Variants in XYLT1 observed in about 807,000 individuals in gnomAD.
The protein encoded by XYLT1 is beta-D-xylosyltransferase 1.
A neutral mutation model predicts 91.3 loss-of-function variants in XYLT1; 36 were observed. The ratio of observed to expected loss-of-function variants is 0.39; its 90% CI spans 0.30 to 0.52. XYLT1 has a LOEUF of 0.52. Ranked by LOEUF, XYLT1 falls within the 20% of genes least tolerant of loss-of-function variation. XYLT1 has a pLI of 0.68. For synonymous variants in XYLT1, 588 were observed against 532.0 expected, an observed-to-expected ratio of 1.11 and a Z score of -1.45; for missense variants, 1,242 against 1,284.5, an observed-to-expected ratio of 0.97 and a Z score of 0.51.
chr16:17,463,655 A>C (rs1452106916), intron 1 of XYLT1, among the ~76,000 whole-genome samples: 1 of 152,258 alleles, frequency 6.6e-6, no homozygotes, highest in Non-Finnish European at 1.5e-5. Flanking sequence ...TATGGAGAAG[A>C]GTATGAAGGT....
At chr16:17,189,686 G>A (rs114963932) in intron 5 of XYLT1, among the ~76,000 whole-genome samples, 144 of 152,320 alleles carry the variant, frequency 9.5e-4, no homozygotes, top group African/African-American at 3.3e-3. Context: ...GAACCTCAAC[G>A]ATATTAAGCT....
rs1440807176 is a variant in XYLT1, at chr16:17,117,817, C to T, written c.2386G>A (p.Asp796Asn). The stretch of plus-strand genomic sequence containing the variant: ...TCGGCAGTGGACTCAATGAGGATGT[C>T]GTAGGTGGCTGCGATGACATTGACG... ...DPVNVIAATY[D>N]ILIESTAEFT... Residue 796 changes from aspartate (D) to asparagine (N), a missense_variant, in exon 11 of 12, where the codon GAC becomes AAC. By Grantham distance (23) the Asp-to-Asn change is conservative. Transcript: ENST00000261381. 8.1e-6 allele frequency: 13 copies of T among 1,613,992 alleles called. No individual in the cohort carries two copies. The highest frequency in any genetic ancestry group is 4.0e-5 in the African/African-American group (3 of 74,882).
rs190355512 is a variant in XYLT1 at position 17,265,049 on chromosome 16, G to A, written c.403-5551C>T. Among the ~76,000 whole-genome samples the A allele has an allele frequency of 2.7e-3, 407 of 152,246 alleles. 1 individual carries two copies. Among genetic ancestry groups the A allele is most frequent in the African/African-American group, 8.9e-3 (371 of 41,542 alleles). On this transcript the variant is annotated intron_variant, in intron 2 of 11. Transcript: ENST00000261381. Reference sequence around the variant, plus strand: ...TAAAAATACAAAAAATTAGCTGGGCGTGGTGGCACGCACCTGTAGTCCCAG... The same window carrying A: ...TAAAAATACAAAAAATTAGCTGGGCATGGTGGCACGCACCTGTAGTCCCAG...
At chr16:17,228,780 A>G (rs2033112412) in intron 3 of XYLT1, among the ~76,000 whole-genome samples, 1 of 152,086 alleles carries the variant, frequency 6.6e-6, no homozygotes, top group African/African-American at 2.4e-5. Flanking sequence ...TTTTTACATG[A>G]TTGCTACTTA....
rs1555499396 is a variant in XYLT1, at chr16:17,351,749, T to TGGA, written c.402+6262_402+6263insTCC. 3.0e-5 allele frequency among the ~76,000 whole-genome samples: 4 copies of TGGA among 134,910 alleles called. No homozygotes were observed. In the South Asian group the frequency reaches 9.3e-4, roughly 31 times the overall value. 88.5% of individuals were successfully genotyped at this position (134,910 alleles called of 152,430 possible). Reference sequence around the variant, plus strand: ...CTACTGACATTTGAGGCTTTTTTTTTGGGGGGGGGTGCTTTCCTGTGCATT... The same window carrying TGGA: ...CTACTGACATTTGAGGCTTTTTTTTTGGAGGGGGGGGGTGCTTTCCTGTGCATT... On this transcript the variant is annotated intron_variant, in intron 2 of 11. Coordinates refer to ENST00000261381, the MANE Select transcript of XYLT1 (RefSeq NM_022166.4).
At chr16:17,358,777 C>T (rs2035341347) in intron 1 of XYLT1, among the ~76,000 whole-genome samples, 2 of 152,142 alleles carry the variant, frequency 1.3e-5, no homozygotes, top group Admixed American at 1.3e-4. Context: ...AAAGTCCTGA[C>T]TAGGAACAAG....
At chr16:17,433,805 C>T (rs915503401) in intron 1 of XYLT1, among the ~76,000 whole-genome samples, 2 of 152,190 alleles carry the variant, frequency 1.3e-5, no homozygotes, top group Non-Finnish European at 2.9e-5. Context: ...CTGATAATCT[C>T]CTTCTCCCCT....
At chr16:17,249,516 T>C (rs990923018) in intron 3 of XYLT1, among the ~76,000 whole-genome samples, 1 of 152,200 alleles carries the variant, frequency 6.6e-6, no homozygotes, top group Non-Finnish European at 1.5e-5. Context: ...TCAATAAATA[T>C]TAAATGAATA....
intron 1 of XYLT1, among the ~76,000 whole-genome samples, chr16:17,423,022 C>T (rs2036268080): frequency 6.6e-6 from 1 of 152,164 alleles, no homozygotes; most frequent in South Asian, 2.1e-4. Context: ...ACTAGCAGTA[C>T]GTCGAAGCAC....
chr16:17,286,826 C>T (rs1054485286), intron 2 of XYLT1, among the ~76,000 whole-genome samples: 1 of 152,172 alleles, frequency 6.6e-6, no homozygotes, highest in South Asian at 2.1e-4. Context: ...CCCATGTCTT[C>T]TGCTTTAAGC....
intron 2 of XYLT1, among the ~76,000 whole-genome samples, chr16:17,267,225 A>C (rs1011187876): frequency 6.6e-6 from 1 of 152,182 alleles, no homozygotes; most frequent in East Asian, 1.9e-4. Flanking sequence ...CTCATCTACA[A>C]AAGAAGGGGG....
At chr16:17,332,084 C>A (rs2034906298) in intron 2 of XYLT1, among the ~76,000 whole-genome samples, 1 of 152,202 alleles carries the variant, frequency 6.6e-6, no homozygotes, top group Non-Finnish European at 1.5e-5. Flanking sequence ...CCTCCCATGG[C>A]CCCTGGATGT....
chr16:17,337,276 C>T (rs1044709341), intron 2 of XYLT1, among the ~76,000 whole-genome samples: 1 of 152,170 alleles, frequency 6.6e-6, no homozygotes, highest in African/African-American at 2.4e-5. Flanking sequence ...TAGCCTCCAC[C>T]TCCTGGGTTC....
At chr16:17,402,332 A>AC (rs1390821914) in intron 1 of XYLT1, among the ~76,000 whole-genome samples, 1 of 151,988 alleles carries the variant, frequency 6.6e-6, no homozygotes, top group Non-Finnish European at 1.5e-5. Context: ...AAAAACAAAA[A>AC]AAAAAGGGTT....
Position 17,127,970 on chromosome 16 carries a change from A to C in XYLT1, c.2028-109T>G. 1.5e-5 allele frequency: 15 copies of C among 974,590 alleles called. No individual in the cohort carries two copies. In the South Asian group the frequency reaches 2.6e-4, roughly 17 times the overall value. 60.4% of individuals were successfully genotyped at this position (974,590 alleles called of 1,614,324 possible). A position where few individuals can be genotyped will look rare whatever the true frequency, so the allele number is the denominator to read the frequency against. The stretch of plus-strand genomic sequence containing the variant: ...CCTAAAGCAGTCCCCATTGTGCACA[A>C]TGCCTACTGTTTTCCTTGCGTCCTC... On this transcript the variant is annotated intron_variant, in intron 9 of 11. Transcript: ENST00000261381.
rs573652692 is a variant in XYLT1, at chr16:17,134,510, C to T, written c.1990G>A (p.Glu664Lys). 1.4e-5 allele frequency: 23 copies of T among 1,614,160 alleles called. No homozygotes were observed. The highest frequency in any genetic ancestry group is 1.1e-4 in the East Asian group (5 of 44,880). Residue 664 changes from glutamate (E) to lysine (K), a missense_variant, in exon 9 of 12, where the codon GAG becomes AAG. Glu to Lys is a moderately conservative substitution (Grantham distance 56). This residue lies in a region of XYLT1 where 511 missense variants were observed against 497.0 expected (regional missense o/e 1.03). Transcript: ENST00000261381. ...SFARLGLRRA[E>K]TSLHTDGENS... is the part of the protein sequence containing the mutation. ...TCCCCATCCGTGTGCAGGGACGTCT[C>T]GGCCCGTCGAAGACCCAGGCGGGCA...
chr16:17,315,190 T>C (rs1043683531), intron 2 of XYLT1, among the ~76,000 whole-genome samples: 1 of 152,342 alleles, frequency 6.6e-6, no homozygotes, highest in Admixed American at 6.5e-5. Flanking sequence ...TTCCTAGGAC[T>C]GACTTACAAA....
At chr16:17,344,620 T>C (rs550426709) in intron 2 of XYLT1, among the ~76,000 whole-genome samples, 56 of 151,994 alleles carry the variant, frequency 3.7e-4, no homozygotes, top group African/African-American at 1.3e-3. Context: ...AGCACTGTAG[T>C]GAGGCTGGAG....
intron 2 of XYLT1, among the ~76,000 whole-genome samples, chr16:17,297,810 A>G (rs2034334700): frequency 6.6e-6 from 1 of 152,120 alleles, no homozygotes. Flanking sequence ...TCATGAGGTC[A>G]GGAGATCGAG....
Sources: allele counts gnomAD v4.1 joint callset (sites outside exome capture counted in the v4.1 genomes callset), GRCh38; gene constraint gnomAD v4.1.1; regional missense constraint gnomAD v4.1.1; transcripts MANE v1.5; gene names NCBI Gene and HGNC (gene_info 2026-07-23, HGNC 2026-07-21).